GPATCH2L: variants seen among roughly 807,000 people sequenced by gnomAD.
The protein encoded by GPATCH2L is G patch domain-containing protein 2-like.
In GPATCH2L, 31 loss-of-function variants were observed where a neutral mutation model predicts 57.4. The observed-to-expected ratio is 0.54, with a 90% confidence interval of 0.41 to 0.73. GPATCH2L has a LOEUF of 0.73. Among genes scored for constraint, GPATCH2L ranks in the 30% least tolerant of loss-of-function variants. The pLI, the probability that GPATCH2L is intolerant of heterozygous loss-of-function variation, is 0.00. For synonymous variants in GPATCH2L, 199 were observed against 210.7 expected (o/e 0.94, Z 0.48); for missense variants, 481 against 599.9 (o/e 0.80, Z 2.07).
At chr14:76,183,281 G>A (rs2039644567) in intron 8 of GPATCH2L, among the ~76,000 whole-genome samples, 1 of 152,192 alleles carries the variant, frequency 6.6e-6, no homozygotes, top group Non-Finnish European at 1.5e-5. Context: ...CTCAGCTCTA[G>A]GGTAATATTG....
At chr14:76,222,509 A>G (rs12589951) in intron 1 of GPATCH2L, among the ~76,000 whole-genome samples, 65,765 of 151,664 alleles carry the variant, frequency 0.43, 17,373 homozygotes, top group South Asian at 0.67. Context: ...CAGGAGGCTG[A>G]GGTGGGGGAA....
In GPATCH2L at chr14:76,154,765, AG is replaced by A; in HGVS notation, c.403del (p.Val135Ter). 2 of 1,614,212 alleles carry A rather than the reference AG, an allele frequency of 1.2e-6. No individual in the cohort carries two copies. Among genetic ancestry groups the A allele is most frequent in the South Asian group, 1.1e-5 (1 of 91,084 alleles). On this transcript the variant is annotated frameshift_variant, in exon 2 of 10. Transcript: ENST00000261530. LOFTEE classifies it high-confidence loss of function. This position sits in a 1 kb window ranked among gnomAD's most constrained non-coding sequence, Gnocchi z 4.4. ...TCAGGCGCAGGCGGAAGGTGAAGCG[AG>A]TGACATCAGAGGTGGCTGCTAGCCT... ...PLRRRRKVKR[V>X]TSEVAASLQQ...
At chr14:76,228,009 C>T (rs1595014851) in intron 1 of GPATCH2L, among the ~76,000 whole-genome samples, 1 of 152,186 alleles carries the variant, frequency 6.6e-6, no homozygotes, top group Non-Finnish European at 1.5e-5. Context: ...AGGGAAATAG[C>T]AGTGGACAAC....
At chr14:76,224,592 A>G (rs1459316579) in intron 1 of GPATCH2L, among the ~76,000 whole-genome samples, 1 of 152,142 alleles carries the variant, frequency 6.6e-6, no homozygotes, top group African/African-American at 2.4e-5. Context: ...TATCATAGTT[A>G]ATAGTGAAAT....
Position 76,206,523 on chromosome 14 carries a change from T to TA in GPATCH2L, c.*4673dup, listed in dbSNP as rs1286021341. ...TTTAGGGAATAAAAAATTTTTAAAG[T>TA]ACAGTGTTGAAGAATGGGGCATGTC... On this transcript the variant is annotated 3_prime_UTR_variant, in exon 10 of 10. Transcript: ENST00000261530. 1 of 152,164 alleles carries TA rather than the reference T, an allele frequency of 6.6e-6. No individual in the cohort carries two copies. Among genetic ancestry groups the TA allele is most frequent in the Non-Finnish European group, 1.5e-5 (1 of 68,018 alleles). The allele number at this position is 152,164 out of a possible 1,614,324, so 9.4% of individuals were successfully genotyped here. A position where few individuals can be genotyped will look rare whatever the true frequency, so the allele number is the denominator to read the frequency against.
At chr14:76,173,769 G>A (rs939446512) in intron 5 of GPATCH2L, 144 bp downstream of exon 5, 12 of 606,124 alleles carry the variant, frequency 2.0e-5, no homozygotes, top group Non-Finnish European at 3.1e-5. Flanking sequence ...TTACAAGAGT[G>A]AACATTATGT....
chr14:76,155,087 A>G lies in GPATCH2L; in HGVS notation c.662+62A>G. Reference sequence around the variant, plus strand: ...TTAATTTTTCCCAAAGTGCACATCCATGGTCTTAGTGGGTTCTACCTTCTT... The same window carrying G: ...TTAATTTTTCCCAAAGTGCACATCCGTGGTCTTAGTGGGTTCTACCTTCTT... On this transcript the variant is annotated intron_variant, in intron 2 of 9. Coordinates refer to ENST00000261530, the MANE Select transcript of GPATCH2L (RefSeq NM_017926.4). The G allele has an allele frequency of 3.6e-6, 5 of 1,382,996 alleles. No homozygotes were observed. In the South Asian group the frequency reaches 5.3e-5, roughly 15 times the overall value. 85.7% of individuals were successfully genotyped at this position (1,382,996 alleles called of 1,614,324 possible).
intron 1 of GPATCH2L, 23 bp downstream of exon 1, chr14:76,152,014 G>C (rs1052035952): frequency 6.5e-6 from 1 of 152,886 alleles, no homozygotes; most frequent in Non-Finnish European, 1.5e-5. Context: ...AATGGGTTGA[G>C]AGTGTTGGGG....
Position 76,209,219 on chromosome 14 carries a change from T to A in GPATCH2L, c.*7368T>A, listed in dbSNP as rs1250231625. 1 of 152,338 alleles carries A rather than the reference T, an allele frequency of 6.6e-6. No individual in the cohort carries two copies. Among genetic ancestry groups the A allele is most frequent in the Non-Finnish European group, 1.5e-5 (1 of 68,122 alleles). 9.4% of individuals were successfully genotyped at this position (152,338 alleles called of 1,614,324 possible). A position where few individuals can be genotyped will look rare whatever the true frequency, so the allele number is the denominator to read the frequency against. On this transcript the variant is annotated 3_prime_UTR_variant, in exon 10 of 10. Coordinates refer to ENST00000261530, the MANE Select transcript of GPATCH2L (RefSeq NM_017926.4). ...TCTGTGGAGTTGTTTGGTAGGTCAG[T>A]CTAGCACAGACTGGATGCCGGTCTC...
chr14:76,169,617 G>A (rs530382528), intron 3 of GPATCH2L, among the ~76,000 whole-genome samples: 5 of 152,238 alleles, frequency 3.3e-5, no homozygotes, highest in East Asian at 3.9e-4. Context: ...GTCTCACAAC[G>A]TTCCTTCTAG....
intron 2 of GPATCH2L, among the ~76,000 whole-genome samples, chr14:76,157,324 T>TA (rs2038356201): frequency 1.3e-5 from 2 of 152,246 alleles, no homozygotes; most frequent in African/African-American, 4.8e-5. Flanking sequence ...AGAGTGGAAC[T>TA]AAAATCTCCC....
chr14:76,182,297 C>T (rs1434463199), intron 8 of GPATCH2L, among the ~76,000 whole-genome samples: 8 of 135,470 alleles, frequency 5.9e-5, no homozygotes, highest in Non-Finnish European at 1.2e-4. Flanking sequence ...GCGGAGCTTG[C>T]AGTGAGCTGA....
At chr14:76,235,194 A>G (rs2040593262) in intron 2 of GPATCH2L, among the ~76,000 whole-genome samples, 1 of 151,954 alleles carries the variant, frequency 6.6e-6, no homozygotes, top group Non-Finnish European at 1.5e-5. Context: ...AGAAAAAAAG[A>G]AAATGAATAC....
At position 76,201,751 on chromosome 14, in the gene GPATCH2L, C is replaced by T. The variant is rs757781539; in HGVS notation, c.1349C>T (p.Ser450Phe). Residue 450 changes from serine (S) to phenylalanine (F), a missense_variant, in exon 10 of 10, where the codon TCT (serine) becomes TTT (phenylalanine). Ser to Phe is a radical substitution (Grantham distance 155, BLOSUM62 -2). This residue lies in a region of GPATCH2L where 248 missense variants were observed against 270.5 expected (regional missense o/e 0.92). Coordinates refer to ENST00000261530, the MANE Select transcript of GPATCH2L (RefSeq NM_017926.4). ...TCACAAGCCCCCAAATCACCCAGCTCTGAGTGGTTGGTGAGGACCTCTGCA... is the reference window on the plus strand; with the variant it reads ...TCACAAGCCCCCAAATCACCCAGCTTTGAGTGGTTGGTGAGGACCTCTGCA... Reference protein sequence around the residue: ...PASQAPKSPSSEWLVRTSAAE... With the variant: ...PASQAPKSPSFEWLVRTSAAE... 1 of 1,614,042 alleles carries T rather than the reference C, an allele frequency of 6.2e-7. No homozygotes were observed. Among genetic ancestry groups the T allele is most frequent in the South Asian group, 1.1e-5 (1 of 91,078 alleles).
rs2040456212 is a variant in GPATCH2L, at chr14:76,212,766, AG to A, written c.*10917del. ...AAACATAAGTTTCAGAACGGAAAAA[AG>A]GAACAACAGATGGCATTTGCTGATA... On this transcript the variant is annotated 3_prime_UTR_variant, in exon 10 of 10. Coordinates refer to ENST00000261530, the MANE Select transcript of GPATCH2L (RefSeq NM_017926.4). The A allele has an allele frequency of 6.6e-6, 1 of 152,150 alleles. No individual in the cohort carries two copies. The highest frequency in any genetic ancestry group is 2.4e-5 in the African/African-American group (1 of 41,446). The allele number at this position is 152,150 out of a possible 1,614,324, so 9.4% of individuals were successfully genotyped here.
At chr14:76,222,833 G>A (rs1250973962) in intron 1 of GPATCH2L, among the ~76,000 whole-genome samples, 1 of 151,722 alleles carries the variant, frequency 6.6e-6, no homozygotes, top group African/African-American at 2.4e-5. Flanking sequence ...GCATGCTCCT[G>A]TAATCCTAGC....
chr14:76,189,333 T>C (rs189788064), intron 8 of GPATCH2L, among the ~76,000 whole-genome samples: 1 of 152,020 alleles, frequency 6.6e-6, no homozygotes, highest in Admixed American at 6.6e-5. Flanking sequence ...TTTCAATCCA[T>C]GAACATGGAA....
rs2039578738 is a variant in GPATCH2L, at chr14:76,182,060, A to G, written c.1193+1211A>G. On this transcript the variant is annotated intron_variant, in intron 8 of 9. Coordinates refer to ENST00000261530, the MANE Select transcript of GPATCH2L (RefSeq NM_017926.4). Reference sequence around the variant, plus strand: ...AAGAGAGACCATCACAAATGGTGTTATTAAGAATGTTGAACTGCCGGGCGC... The same window carrying G: ...AAGAGAGACCATCACAAATGGTGTTGTTAAGAATGTTGAACTGCCGGGCGC... 2.0e-5 allele frequency among the ~76,000 whole-genome samples: 3 copies of G among 152,164 alleles called. No homozygotes were observed. The South Asian group carries it at 6.2e-4, about 31-fold the overall frequency.
At chr14:76,185,591 A>G (rs749590819) in intron 8 of GPATCH2L, among the ~76,000 whole-genome samples, 11 of 152,138 alleles carry the variant, frequency 7.2e-5, no homozygotes, top group Non-Finnish European at 1.6e-4. Flanking sequence ...AACTCAAAGG[A>G]AAGGTCAACT....
Sources: gnomAD v4.1 joint callset for allele counts (sites outside exome capture counted in the v4.1 genomes callset) on GRCh38, gnomAD v4.1.1 for gene constraint, gnomAD v4.1.1 regional missense constraint, Gnocchi (gnomAD v3.1) non-coding constraint, MANE v1.5 for transcripts, NCBI Gene and HGNC (gene_info 2026-07-23, HGNC 2026-07-21) for gene names.